ADAM2: variants seen among roughly 807,000 people sequenced by gnomAD.
ADAM2 encodes the protein disintegrin and metalloproteinase domain-containing protein 2.
ADAM2 carries 101 observed loss-of-function variants against 99.3 expected under a neutral mutation model. The ratio of observed to expected loss-of-function variants is 1.02; its 90% confidence interval spans 0.87 to 1.20. The LOEUF is 1.20. ADAM2 is among the 50% of genes most tolerant of loss of function. The pLI is 0.00. For missense variants in ADAM2, 948 were observed against 878.7 expected (o/e 1.08, Z -1.00); for synonymous variants, 323 against 287.6 (o/e 1.12, Z -1.25).
At chr8:39,766,747 TA>T in intron 14 of ADAM2, 100 bp downstream of exon 14, 1 of 914,706 alleles carries the variant, frequency 1.1e-6, no homozygotes, top group Non-Finnish European at 1.6e-6. Context: ...ATATTTAAAC[TA>T]AATGTGACAT....
At chr8:39,746,672 G>A in intron 18 of ADAM2, 41 bp from the exon 19 acceptor site, 1 of 1,464,872 alleles carries the variant, frequency 6.8e-7, no homozygotes, top group Non-Finnish European at 9.2e-7. Context: ...GCAAGCACCA[G>A]AAATATAGTA....
intron 10 of ADAM2, among the ~76,000 whole-genome samples, chr8:39,781,541 T>A (rs991489765): frequency 6.6e-6 from 1 of 152,220 alleles, no homozygotes; most frequent in African/African-American, 2.4e-5. Flanking sequence ...TGGAAATTCA[T>A]TAATTTTGAG....
At chr8:39,772,109 T>TAAAAAAAAAA (rs201824657) in intron 11 of ADAM2, among the ~76,000 whole-genome samples, 1 of 127,570 alleles carries the variant, frequency 7.8e-6, no homozygotes, top group Non-Finnish European at 1.7e-5. Flanking sequence ...GAGAGAACGG[T>TAAAAAAAAAA]AAAAAAAAAA....
chr8:39,813,292 A>C (rs548358396), intron 6 of ADAM2, among the ~76,000 whole-genome samples: 2 of 152,376 alleles, frequency 1.3e-5, no homozygotes, highest in South Asian at 4.1e-4. Flanking sequence ...GAGGATGTGG[A>C]GAAATAGGAA....
chr8:39,769,313 A>T, intron 12 of ADAM2, 79 bp downstream of exon 12: 1 of 1,154,926 alleles, frequency 8.7e-7, no homozygotes, highest in Non-Finnish European at 1.2e-6. Flanking sequence ...TGAATTAAGG[A>T]AAATGGCAGT....
At chr8:39,832,150 T>A (rs901864509) in intron 3 of ADAM2, among the ~76,000 whole-genome samples, 1 of 152,174 alleles carries the variant, frequency 6.6e-6, no homozygotes, top group African/African-American at 2.4e-5. Flanking sequence ...CCTTGTGCAA[T>A]GTCATAAAAT....
intron 7 of ADAM2, among the ~76,000 whole-genome samples, chr8:39,808,715 A>T (rs1250087309): frequency 6.6e-6 from 1 of 152,168 alleles, no homozygotes; most frequent in Non-Finnish European, 1.5e-5. Flanking sequence ...AAAGAGATCG[A>T]GACCATCCTG....
chr8:39,776,931 G>C, intron 11 of ADAM2, 94 bp downstream of exon 11: 1 of 780,662 alleles, frequency 1.3e-6, no homozygotes, highest in South Asian at 1.7e-5. Context: ...ACAGCTGATC[G>C]CCATTATTAT....
At chr8:39,746,692 C>CTGG in intron 18 of ADAM2, 61 bp from the exon 19 acceptor site, 1 of 1,269,940 alleles carries the variant, frequency 7.9e-7, no homozygotes, top group Non-Finnish European at 1.1e-6. Flanking sequence ...AAAGATATTT[C>CTGG]TGTATTTTAC....
At chr8:39,766,053 G>A (rs1017075324) in intron 14 of ADAM2, among the ~76,000 whole-genome samples, 2 of 151,982 alleles carry the variant, frequency 1.3e-5, no homozygotes, top group East Asian at 1.9e-4. Flanking sequence ...TGTTTTTAAC[G>A]TCAGTGCACA....
At chr8:39,791,110 T>C (rs1803693853) in intron 7 of ADAM2, among the ~76,000 whole-genome samples, 1 of 151,660 alleles carries the variant, frequency 6.6e-6, no homozygotes, top group Admixed American at 6.6e-5. Context: ...ATGCTAAAGT[T>C]TCATGTTAAT....
intron 15 of ADAM2, among the ~76,000 whole-genome samples, chr8:39,758,702 A>C (rs1413231482): frequency 6.6e-6 from 1 of 152,138 alleles, no homozygotes; most frequent in Non-Finnish European, 1.5e-5. Context: ...GAAGTAGAAG[A>C]AGCTCAATGC....
intron 10 of ADAM2, among the ~76,000 whole-genome samples, chr8:39,786,280 T>C (rs1391594688): frequency 3.3e-5 from 5 of 152,216 alleles, no homozygotes; most frequent in African/African-American, 4.8e-5. Flanking sequence ...TGTATATGTA[T>C]GCCCTAAATC....
rs1563343606 is a variant in ADAM2, at chr8:39,766,937, G to A, written c.1418C>T (p.Thr473Ile). ...TTGATTCAGTCCACACGGATGCCCA[G>A]TCTGAACATAGTGGTTTTCTGGGCA... is the stretch of plus-strand genomic sequence containing the variant. ...ASCPENHYVQ[T>I]GHPCGLNQWI... The change falls in exon 14 of 21, where the codon ACT (threonine) becomes ATT (isoleucine). Residue 473 changes from threonine (T) to isoleucine (I), a missense_variant. Physicochemically the swap from Thr to Ile is moderately conservative, Grantham distance 89. Transcript: ENST00000265708. The A allele has an allele frequency of 3.1e-6, 5 of 1,614,108 alleles. No homozygotes were observed. Among genetic ancestry groups the A allele is most frequent in the South Asian group, 2.2e-5 (2 of 91,080 alleles).
chr8:39,770,990 G>T (rs371094888), intron 11 of ADAM2, among the ~76,000 whole-genome samples: 12 of 152,178 alleles, frequency 7.9e-5, no homozygotes, highest in African/African-American at 2.9e-4. Flanking sequence ...AATCAATTAT[G>T]TTTCCTAAAA....
intron 6 of ADAM2, among the ~76,000 whole-genome samples, chr8:39,817,147 A>T (rs939086660): frequency 1.6e-4 from 24 of 152,332 alleles, no homozygotes; most frequent in African/African-American, 5.5e-4. Context: ...AATAGATTAG[A>T]TATAAAAGAA....
chr8:39,785,179 C>A (rs1234691668), intron 10 of ADAM2, among the ~76,000 whole-genome samples: 2 of 152,176 alleles, frequency 1.3e-5, no homozygotes, highest in Non-Finnish European at 2.9e-5. Context: ...CCCTTATAGT[C>A]TGAGGAGTTA....
chr8:39,831,499 C>T (rs34713523), intron 3 of ADAM2, among the ~76,000 whole-genome samples: 11,735 of 152,044 alleles, frequency 0.077, 624 homozygotes, highest in Middle Eastern at 0.13. Context: ...AAGTCCAAAG[C>T]TTGAAAATTG....
chr8:39,801,400 G>C (rs920797067), intron 7 of ADAM2, among the ~76,000 whole-genome samples: 4 of 152,134 alleles, frequency 2.6e-5, no homozygotes, highest in African/African-American at 9.7e-5. Flanking sequence ...TCCTTCTTCT[G>C]GGACCTCTGA....
Sources: gnomAD v4.1 joint callset for allele counts (sites outside exome capture counted in the v4.1 genomes callset) on GRCh38, gnomAD v4.1.1 for gene constraint, MANE v1.5 for transcripts, NCBI Gene and HGNC (gene_info 2026-07-23, HGNC 2026-07-21) for gene names.